AFG2A: variants seen among roughly 807,000 people sequenced by gnomAD.
AFG2A encodes AAA ATPase AFG2A, also known as ATPase family gene 2 protein homolog A.
At chr4:123,075,067 C>A in the AFG2A span, among the ~76,000 whole-genome samples, 6 of 151,480 alleles carry the variant, frequency 4.0e-5, no homozygotes, top group African/African-American at 1.5e-4. Context: ...CCTCAGCCTC[C>A]CAAGTAGCTG....
chr4:123,264,176 T>G, the AFG2A span, among the ~76,000 whole-genome samples: 2 of 152,214 alleles, frequency 1.3e-5, no homozygotes, highest in Admixed American at 1.3e-4. Flanking sequence ...TGCAAAGGCA[T>G]AAGAATGATA....
the AFG2A span, among the ~76,000 whole-genome samples, chr4:122,998,349 T>G: frequency 6.6e-6 from 1 of 152,140 alleles, no homozygotes; most frequent in Non-Finnish European, 1.5e-5. Flanking sequence ...TTAGGATACA[T>G]GTGCACAATG....
At chr4:123,065,737 T>C in the AFG2A span, among the ~76,000 whole-genome samples, 2 of 152,138 alleles carry the variant, frequency 1.3e-5, no homozygotes, top group South Asian at 4.1e-4. Flanking sequence ...TGTAACTTAC[T>C]GAAGAAATAT....
chr4:123,243,080 TAAA>T, the AFG2A span, among the ~76,000 whole-genome samples: 3 of 152,124 alleles, frequency 2.0e-5, 1 homozygote, highest in Admixed American at 2.0e-4. Flanking sequence ...TGGTGATCAT[TAAA>T]AAGTTGGGAA....
the AFG2A span, among the ~76,000 whole-genome samples, chr4:123,020,631 T>C: frequency 6.6e-6 from 1 of 152,190 alleles, no homozygotes; most frequent in East Asian, 1.9e-4. Context: ...GATTATAATG[T>C]ATTAAAATCT....
the AFG2A span, among the ~76,000 whole-genome samples, chr4:123,157,987 C>T: frequency 7.2e-5 from 11 of 152,042 alleles, no homozygotes; most frequent in African/African-American, 2.7e-4. Context: ...GCACATATAC[C>T]ACTCTATTTT....
chr4:123,307,287 C>G, the AFG2A span, among the ~76,000 whole-genome samples: 1 of 152,136 alleles, frequency 6.6e-6, no homozygotes, highest in Non-Finnish European at 1.5e-5. Context: ...ACTACAGGCC[C>G]ACACCACTAC....
the AFG2A span, among the ~76,000 whole-genome samples, chr4:123,242,564 G>A: frequency 6.6e-6 from 1 of 152,116 alleles, no homozygotes; most frequent in African/African-American, 2.4e-5. Context: ...AGCTGAAACT[G>A]GATCCCTTCC....
chr4:123,316,197 AG>A, the AFG2A span: 2 of 152,230 alleles, frequency 1.3e-5, no homozygotes, highest in African/African-American at 4.8e-5. Context: ...AAACCCACCT[AG>A]GGGACAAAGA....
At chr4:123,215,594 T>A in the AFG2A span, among the ~76,000 whole-genome samples, 1 of 152,038 alleles carries the variant, frequency 6.6e-6, no homozygotes, top group South Asian at 2.1e-4. Context: ...AGCCCATCCT[T>A]TTTTCCCCCT....
At chr4:123,051,038 A>G in the AFG2A span, among the ~76,000 whole-genome samples, 1 of 152,050 alleles carries the variant, frequency 6.6e-6, no homozygotes, top group African/African-American at 2.4e-5. Context: ...TTTTTAATCC[A>G]TTCAGCCACT....
chr4:123,101,649 G>T, the AFG2A span, among the ~76,000 whole-genome samples: 3 of 151,820 alleles, frequency 2.0e-5, no homozygotes, highest in African/African-American at 7.2e-5. Context: ...TTTCTTCTTT[G>T]AACTTTTTGC....
the AFG2A span, among the ~76,000 whole-genome samples, chr4:123,253,183 T>C: frequency 2.0e-5 from 3 of 150,710 alleles, no homozygotes; most frequent in African/African-American, 7.3e-5. Flanking sequence ...TTACTGAAAA[T>C]ACAAAAGAAA....
chr4:123,109,148 C>T, the AFG2A span, among the ~76,000 whole-genome samples: 2 of 151,850 alleles, frequency 1.3e-5, no homozygotes, highest in South Asian at 2.1e-4. Context: ...ATATGTGTGT[C>T]GGTTGTTGTA....
At chr4:123,023,121 C>T in the AFG2A span, among the ~76,000 whole-genome samples, 1 of 151,146 alleles carries the variant, frequency 6.6e-6, no homozygotes, top group Non-Finnish European at 1.5e-5. Flanking sequence ...ACCAGCATGG[C>T]ACATGTATAC....
the AFG2A span, among the ~76,000 whole-genome samples, chr4:123,210,400 C>T: frequency 6.6e-6 from 1 of 152,164 alleles, no homozygotes; most frequent in Non-Finnish European, 1.5e-5. Context: ...TCTCTGAGTT[C>T]AACTTTTTTA....
chr4:122,978,249 C>T, the AFG2A span, among the ~76,000 whole-genome samples: 1 of 152,082 alleles, frequency 6.6e-6, no homozygotes, highest in African/African-American at 2.4e-5. Flanking sequence ...GCAGGTTGCC[C>T]CAACGAGTGT....
the AFG2A span, among the ~76,000 whole-genome samples, chr4:122,946,520 AT>A: frequency 1.5e-4 from 22 of 148,926 alleles, no homozygotes; most frequent in East Asian, 9.8e-4. Flanking sequence ...CTTTTTTTAA[AT>A]TTTTTTTTTT....
At chr4:123,173,722 A>T in the AFG2A span, among the ~76,000 whole-genome samples, 56 of 152,288 alleles carry the variant, frequency 3.7e-4, no homozygotes, top group Non-Finnish European at 7.4e-4. Flanking sequence ...AAATCAAAGA[A>T]ATTCACTATA....
Sources: allele counts gnomAD v4.1 joint callset (sites outside exome capture counted in the v4.1 genomes callset), GRCh38; gene constraint gnomAD v4.1.1; transcripts MANE v1.5; gene names NCBI Gene and HGNC (gene_info 2026-07-23, HGNC 2026-07-21).